Variants in POLA2 observed in about 807,000 individuals in gnomAD.
POLA2 encodes the protein DNA polymerase alpha 2, accessory subunit.
POLA2 carries 47 observed loss-of-function variants against 82.8 expected under a neutral mutation model. That is an observed-to-expected ratio of 0.57 (90% CI 0.45 to 0.72). The LOEUF (loss-of-function observed/expected upper bound fraction) is 0.72, where lower values mean the gene tolerates loss of function less well. Ranked by LOEUF, POLA2 falls within the 30% of genes least tolerant of loss-of-function variation. The pLI is 0.00. For synonymous variants in POLA2, 287 were observed against 286.8 expected (o/e 1.00, Z -0.01); for missense variants, 634 against 728.1 (o/e 0.87, Z 1.49).
chr11:65,273,020 AAAAG>A (rs1416383820), intron 4 of POLA2, among the ~76,000 whole-genome samples: 6 of 148,090 alleles, frequency 4.1e-5, no homozygotes, highest in African/African-American at 1.3e-4. Flanking sequence ...TCAAAAAAAA[AAAAG>A]AAAAGATGAA....
rs777435411 is a variant in POLA2 at position 65,297,215 on chromosome 11, G to A, written c.1743G>A (p.Ala581=). 5.9e-5 allele frequency: 95 copies of A among 1,613,860 alleles called. No individual in the cohort carries two copies. The highest frequency in any genetic ancestry group is 7.7e-5 in the South Asian group (7 of 91,072). The part of the protein sequence containing the change: ...FARLYLRRPA[A]DGAERQSPCI... ...GACTCTACCTTAGGAGGCCGGCAGC[G>A]GACGGGGCAGAGAGGCAGAGCCCAT... The change falls in exon 18 of 18, where the codon GCG becomes GCA. Residue 581 remains alanine (A), a synonymous_variant. Coordinates refer to ENST00000265465, the MANE Select transcript of POLA2 (RefSeq NM_002689.4).
At chr11:65,276,679 T>C (rs2137530114) in intron 5 of POLA2, among the ~76,000 whole-genome samples, 1 of 152,238 alleles carries the variant, frequency 6.6e-6, no homozygotes, top group East Asian at 1.9e-4. Context: ...AAGATGAGGC[T>C]CCGGAGCAGT....
intron 13 of POLA2, 86 bp from the exon 14 acceptor site, chr11:65,294,067 C>T: frequency 3.5e-6 from 4 of 1,143,016 alleles, no homozygotes; most frequent in Non-Finnish European, 5.3e-6. Context: ...TGCCTCCAGC[C>T]TGAGGCATCC....
At chr11:65,284,778 C>T (rs368207978) in intron 10 of POLA2, among the ~76,000 whole-genome samples, 177 of 152,176 alleles carry the variant, frequency 1.2e-3, no homozygotes, top group Middle Eastern at 6.8e-3. Context: ...CTGCCCGCCT[C>T]GGCCTCCCAA....
chr11:65,267,398 T>A, intron 2 of POLA2, 79 bp from the exon 3 acceptor site: 1 of 779,792 alleles, frequency 1.3e-6, no homozygotes, highest in Non-Finnish European at 2.1e-6. Context: ...GAATACCTTT[T>A]ATTATCTCAA....
At position 65,282,503 on chromosome 11, in the gene POLA2, C is replaced by T. The variant is rs780969705; in HGVS notation, c.988C>T (p.Pro330Ser). ...YEGVPLPFYQ[P>S]TEEDADFEQS... Reference sequence around the variant, plus strand: ...GGGTGTGCCACTTCCATTTTATCAGCCCACTGAAGAGGATGCAGGTGAGTT... The same window carrying T: ...GGGTGTGCCACTTCCATTTTATCAGTCCACTGAAGAGGATGCAGGTGAGTT... The change falls in exon 10 of 18, where the codon CCC becomes TCC. Residue 330 changes from proline (P) to serine (S), a missense_variant. Coordinates refer to ENST00000265465, the MANE Select transcript of POLA2 (RefSeq NM_002689.4). 1 of 1,613,538 alleles carries T rather than the reference C, an allele frequency of 6.2e-7. No homozygotes were observed. The highest frequency in any genetic ancestry group is 8.5e-7 in the Non-Finnish European group (1 of 1,179,496).
Position 65,262,369 on chromosome 11 carries a change from A to G in POLA2, c.77A>G (p.Lys26Arg), listed in dbSNP as rs191135388. The change falls in exon 1 of 18, where the codon AAA (lysine) becomes AGA (arginine). Residue 26 changes from lysine to arginine, a missense_variant and splice_region_variant. Physicochemically the swap from Lys to Arg is conservative, Grantham distance 26 (BLOSUM62 2). Transcript: ENST00000265465. ...GACTGCGAGGAGGCTCTAATTGAGA[A>G]ATGTGAGTCCCGCACCCCTCCCGCC... ...GLDCEEALIE[K>R]LVELCVQYGQ... 1.4e-4 allele frequency: 230 copies of G among 1,612,294 alleles called. No homozygotes were observed. The Middle Eastern group carries it at 2.0e-3, about 14-fold the overall frequency.
Position 65,262,375 on chromosome 11 carries a change from A to T in POLA2, c.79+4A>T. On this transcript the variant is annotated splice_donor_region_variant and intron_variant, in intron 1 of 17. Transcript: ENST00000265465. ...GAGGAGGCTCTAATTGAGAAATGTG[A>T]GTCCCGCACCCCTCCCGCCCTGCAG... 1.2e-6 allele frequency: 2 copies of T among 1,610,472 alleles called. No individual in the cohort carries two copies. Among genetic ancestry groups the T allele is most frequent in the Non-Finnish European group, 1.7e-6 (2 of 1,177,638 alleles).
At position 65,267,582 on chromosome 11, in the gene POLA2, C is replaced by G. The variant is rs1949474980; in HGVS notation, c.296+14C>G. ...CATTCAAGAGCTGTATCCTTTTCTG[C>G]TGAAGGTCTTTGCACCAAGCTACAT... On this transcript the variant is annotated intron_variant, in intron 3 of 17. Transcript: ENST00000265465. The G allele has an allele frequency of 1.3e-6, 2 of 1,522,454 alleles. No homozygotes were observed. Among genetic ancestry groups the G allele is most frequent in the Non-Finnish European group, 1.8e-6 (2 of 1,104,240 alleles). 94.3% of individuals were successfully genotyped at this position (1,522,454 alleles called of 1,614,324 possible).
intron 11 of POLA2, among the ~76,000 whole-genome samples, chr11:65,288,274 C>T (rs1949718390): frequency 6.6e-6 from 1 of 152,072 alleles, no homozygotes; most frequent in South Asian, 2.1e-4. Context: ...CACCACTGCC[C>T]TCCAGCCTGG....
intron 11 of POLA2, among the ~76,000 whole-genome samples, chr11:65,288,209 A>G (rs368612628): frequency 2.6e-5 from 4 of 152,008 alleles, no homozygotes; most frequent in African/African-American, 7.2e-5. Context: ...TTGGGAGGCT[A>G]AGGCAGGAGA....
intron 1 of POLA2, among the ~76,000 whole-genome samples, chr11:65,264,379 A>G (rs1293141249): frequency 6.6e-6 from 1 of 151,624 alleles, no homozygotes; most frequent in Non-Finnish European, 1.5e-5. Context: ...TACTTTTTGT[A>G]TTTTCAGTAG....
At chr11:65,272,241 G>A (rs777059563) in intron 4 of POLA2, among the ~76,000 whole-genome samples, 7 of 152,112 alleles carry the variant, frequency 4.6e-5, no homozygotes, top group Non-Finnish European at 7.4e-5. Context: ...CCCAGGAGGC[G>A]GAGGTTGCAG....
intron 14 of POLA2, 74 bp downstream of exon 14, chr11:65,294,335 G>T: frequency 7.7e-7 from 1 of 1,290,676 alleles, no homozygotes; most frequent in South Asian, 1.2e-5. Flanking sequence ...TGGCCCTGAA[G>T]GGGAGGGTGG....
At position 65,297,914 on chromosome 11, in the gene POLA2, T is replaced by C. The variant is rs913039877; in HGVS notation, c.*645T>C. 3.9e-5 allele frequency: 6 copies of C among 152,372 alleles called. No individual in the cohort carries two copies. The highest frequency in any genetic ancestry group is 1.4e-4 in the African/African-American group (6 of 41,470). The allele number at this position is 152,372 out of a possible 1,614,324, so 9.4% of individuals were successfully genotyped here. Reference sequence around the variant, plus strand: ...ATCTGTCCGCCTCAGCCTCCCAAAGTGCTGGGATTACAGGCGTGAGCCACC... The same window carrying C: ...ATCTGTCCGCCTCAGCCTCCCAAAGCGCTGGGATTACAGGCGTGAGCCACC... On this transcript the variant is annotated 3_prime_UTR_variant, in exon 18 of 18. Coordinates refer to ENST00000265465, the MANE Select transcript of POLA2 (RefSeq NM_002689.4).
chr11:65,295,896 T>C lies in POLA2; in HGVS notation c.1553T>C (p.Met518Thr), dbSNP rs751395996. Reference sequence around the variant, plus strand: ...CCACTCTACCCGCCCCAAGAAGACATGGCCATTGACTATGAGTCGTTCTAT... The same window carrying C: ...CCACTCTACCCGCCCCAAGAAGACACGGCCATTGACTATGAGTCGTTCTAT... ...YYPLYPPQED[M>T]AIDYESFYVY... The change falls in exon 17 of 18, where the codon ATG becomes ACG. Residue 518 changes from methionine to threonine, a missense_variant. By Grantham distance (81) the Met-to-Thr change is moderately conservative. Transcript: ENST00000265465. 5.6e-6 allele frequency: 9 copies of C among 1,613,804 alleles called. No homozygotes were observed. Among genetic ancestry groups the C allele is most frequent in the Non-Finnish European group, 7.6e-6 (9 of 1,179,724 alleles).
At chr11:65,275,343 T>A (rs1203584019) in intron 4 of POLA2, among the ~76,000 whole-genome samples, 1 of 147,972 alleles carries the variant, frequency 6.8e-6, no homozygotes. Flanking sequence ...TCTGGGCTTA[T>A]CTTTGGATTC....
chr11:65,265,406 C>T (rs925566980), intron 1 of POLA2, among the ~76,000 whole-genome samples: 2 of 152,084 alleles, frequency 1.3e-5, no homozygotes, highest in African/African-American at 2.4e-5. Flanking sequence ...GAATTAGCAC[C>T]GGCACTTGAC....
Position 65,266,707 on chromosome 11 carries a change from G to T in POLA2, c.204+1G>T. On this transcript the variant is annotated splice_donor_variant, in intron 2 of 17. Coordinates refer to ENST00000265465, the MANE Select transcript of POLA2 (RefSeq NM_002689.4). LOFTEE classifies it high-confidence loss of function. Reference sequence around the variant, plus strand: ...GATCCTGAACTCTTTTGAGCATGAGGTAAGAACAAAATGAAAGCAAACTAA... The same window carrying T: ...GATCCTGAACTCTTTTGAGCATGAGTTAAGAACAAAATGAAAGCAAACTAA... The T allele has an allele frequency of 6.2e-7, 1 of 1,614,020 alleles. No homozygotes were observed.
Sources: allele counts gnomAD v4.1 joint callset (sites outside exome capture counted in the v4.1 genomes callset), GRCh38; gene constraint gnomAD v4.1.1; transcripts MANE v1.5; gene names NCBI Gene and HGNC (gene_info 2026-07-23, HGNC 2026-07-21).